Variants in SPTBN4 observed in about 807,000 individuals in gnomAD.
SPTBN4 encodes spectrin beta chain, non-erythrocytic 4.
SPTBN4 carries 96 observed loss-of-function variants against 277.8 expected under a neutral mutation model. That is an observed-to-expected ratio of 0.35 (90% CI 0.29 to 0.41). The LOEUF (loss-of-function observed/expected upper bound fraction) is 0.41. Ranked by LOEUF, SPTBN4 falls within the 10% of genes least tolerant of loss-of-function variation. SPTBN4 has a pLI of 1.00. For synonymous variants in SPTBN4, 1,481 were observed against 1,580.3 expected, an observed-to-expected ratio of 0.94 and a Z score of 1.49; for missense variants, 3,006 against 3,595.7, an observed-to-expected ratio of 0.84 and a Z score of 4.19.
At chr19:40,531,475 T>TG (rs2080672432) in intron 18 of SPTBN4, among the ~76,000 whole-genome samples, 3 of 86,628 alleles carry the variant, frequency 3.5e-5, no homozygotes, top group South Asian at 3.7e-4. Flanking sequence ...TTTTTTTTTT[T>TG]TTTTTTTTTT....
chr19:40,515,168 AG>A lies in SPTBN4; in HGVS notation c.2766-142del. 1.7e-6 allele frequency: 1 copy of A among 595,174 alleles called. No individual in the cohort carries two copies. The allele number at this position is 595,174 out of a possible 1,614,324, so 36.9% of individuals were successfully genotyped here. On this transcript the variant is annotated intron_variant, in intron 14 of 35. Coordinates refer to ENST00000598249, the MANE Select transcript of SPTBN4 (RefSeq NM_020971.3). The surrounding 1 kb of genome is among the most constrained non-coding windows in gnomAD (Gnocchi z 4.1). ...AAGTTAAATTAAATTAAATAAAATAAGCAGCAAGTAGAAGAGAAGGAGCCCA... is the reference window on the plus strand; with the variant it reads ...AAGTTAAATTAAATTAAATAAAATAACAGCAAGTAGAAGAGAAGGAGCCCA...
Position 40,468,147 on chromosome 19 carries a change from G to A in SPTBN4, c.-16+842G>A, listed in dbSNP as rs567219660. 4.9e-4 allele frequency among the ~76,000 whole-genome samples: 74 copies of A among 150,618 alleles called. 1 individual carries two copies. Among genetic ancestry groups the A allele is most frequent in the African/African-American group, 1.8e-3 (73 of 40,850 alleles). The stretch of plus-strand genomic sequence containing the variant: ...AGTTGGAGTGTAATGGCGCGATCTT[G>A]GCTCACTGCAACCTCTGCCTCCCGA... On this transcript the variant is annotated intron_variant, in intron 1 of 35. Coordinates refer to ENST00000598249, the MANE Select transcript of SPTBN4 (RefSeq NM_020971.3).
chr19:40,469,331 C>T (rs993818603), intron 1 of SPTBN4, among the ~76,000 whole-genome samples: 24 of 151,992 alleles, frequency 1.6e-4, no homozygotes, highest in Admixed American at 6.6e-5. Context: ...GTGGCACAAT[C>T]TCGGCTCACT....
rs1362100085 is a variant in SPTBN4 at position 40,560,297 on chromosome 19, C to A, written c.5809C>A (p.His1937Asn). The change falls in exon 27 of 36, where the codon CAT (histidine) becomes AAT (asparagine). Residue 1937 changes from histidine to asparagine, a missense_variant. This residue lies in a region of SPTBN4 where 425 missense variants were observed against 594.7 expected (regional missense o/e 0.71). Coordinates refer to ENST00000598249, the MANE Select transcript of SPTBN4 (RefSeq NM_020971.3). This position sits in a 1 kb window ranked among gnomAD's most constrained non-coding sequence, Gnocchi z 5.2. The part of the protein sequence containing the change: ...LLSACEDARL[H>N]VSSTADALRF... Reference sequence around the variant, plus strand: ...GTCAGCCTGTGAGGATGCCCGCCTGCATGTCAGCTCCACAGCCGACGCCCT... The same window carrying A: ...GTCAGCCTGTGAGGATGCCCGCCTGAATGTCAGCTCCACAGCCGACGCCCT... 1.2e-5 allele frequency: 20 copies of A among 1,613,980 alleles called. No homozygotes were observed. Among genetic ancestry groups the A allele is most frequent in the Non-Finnish European group, 1.6e-5 (19 of 1,180,010 alleles).
Position 40,487,710 on chromosome 19 carries a change from C to G in SPTBN4, c.183C>G (p.Ala61=). The stretch of plus-strand genomic sequence containing the variant: ...CCTCTCCTCCAGATGAGCGGGAAGC[C>G]GTGCAGAAGAAAACCTTCACCAAGT... ...RIKALADERE[A]VQKKTFTKWV... is the part of the protein sequence containing the mutation. The change falls in exon 3 of 36, where the codon GCC becomes GCG. Residue 61 remains alanine (A), a synonymous_variant. Transcript: ENST00000598249. 1.9e-6 allele frequency: 3 copies of G among 1,612,582 alleles called. No homozygotes were observed. Among genetic ancestry groups the G allele is most frequent in the South Asian group, 1.1e-5 (1 of 90,866 alleles).
chr19:40,532,847 C>T (rs2080693959), intron 19 of SPTBN4, 76 bp downstream of exon 19: 6 of 1,481,416 alleles, frequency 4.1e-6, no homozygotes, highest in Non-Finnish European at 5.4e-6. Flanking sequence ...ACCTGCTGCA[C>T]CCGCTGCTGC....
chr19:40,574,522 C>T (rs1321986095), intron 35 of SPTBN4, among the ~76,000 whole-genome samples: 5 of 151,908 alleles, frequency 3.3e-5, no homozygotes, highest in African/African-American at 9.7e-5. Flanking sequence ...CCACCATGCC[C>T]GGCTAATTTA....
At chr19:40,572,586 T>G in intron 35 of SPTBN4, 2 of 595,138 alleles carry the variant, frequency 3.4e-6, no homozygotes, top group Non-Finnish European at 6.0e-6. Context: ...GAGGGCTGCC[T>G]GCAGATCCTG....
chr19:40,515,530 C>G lies in SPTBN4; in HGVS notation c.2903+82C>G. ...CCATGGACAGCAAGATGTGCAATCT[C>G]AAACCCCTGGAATCATAATGGCCAC... On this transcript the variant is annotated intron_variant, in intron 15 of 35. Transcript: ENST00000598249. The surrounding 1 kb of genome is among the most constrained non-coding windows in gnomAD (Gnocchi z 4.1). The G allele has an allele frequency of 7.2e-7, 1 of 1,393,174 alleles. No individual in the cohort carries two copies. Among genetic ancestry groups the G allele is most frequent in the Non-Finnish European group, 9.4e-7 (1 of 1,063,568 alleles). The allele number at this position is 1,393,174 out of a possible 1,614,324, so 86.3% of individuals were successfully genotyped here.
chr19:40,536,889 G>A (rs1256468771), intron 20 of SPTBN4, among the ~76,000 whole-genome samples: 2 of 151,946 alleles, frequency 1.3e-5, no homozygotes, highest in Non-Finnish European at 2.9e-5. Context: ...GGGCTCAAGT[G>A]ATGCTCCTCC....
At chr19:40,544,440 C>CA (rs2080836650) in intron 20 of SPTBN4, among the ~76,000 whole-genome samples, 1 of 51,746 alleles carries the variant, frequency 1.9e-5, no homozygotes, top group Admixed American at 2.9e-4. Context: ...TTGTGCCCGG[C>CA]TTTTTTTTTT....
At chr19:40,497,838 A>AT (rs2080217598) in intron 7 of SPTBN4, among the ~76,000 whole-genome samples, 1 of 147,372 alleles carries the variant, frequency 6.8e-6, no homozygotes, top group African/African-American at 2.5e-5. Flanking sequence ...TCTCATCCCC[A>AT]ACCGTGTCCC....
chr19:40,493,099 C>T (rs1441567857), intron 5 of SPTBN4, 45 bp downstream of exon 5: 6 of 1,566,560 alleles, frequency 3.8e-6, no homozygotes, highest in Non-Finnish European at 5.3e-6. Context: ...GCAAGTGGTC[C>T]CCTAACCTCT....
chr19:40,509,533 C>A (rs926113805), intron 13 of SPTBN4, among the ~76,000 whole-genome samples: 3 of 152,192 alleles, frequency 2.0e-5, no homozygotes, highest in Non-Finnish European at 4.4e-5. Context: ...GTGTGAGGCA[C>A]TGCGCTTGGC....
At chr19:40,483,436 ATT>A (rs1309357163) in intron 2 of SPTBN4, among the ~76,000 whole-genome samples, 64 of 152,106 alleles carry the variant, frequency 4.2e-4, no homozygotes, top group East Asian at 1.2e-3. Flanking sequence ...TAAAAATACA[ATT>A]TTTTAAAAAA....
In SPTBN4 at chr19:40,502,355, A is replaced by G. The variant is rs769286300; in HGVS notation, c.1086-35A>G. On this transcript the variant is annotated intron_variant, in intron 9 of 35. Transcript: ENST00000598249. The surrounding 1 kb of genome is among the most constrained non-coding windows in gnomAD (Gnocchi z 4.9). ...TGGAGGGAGGGTGGGCAGGGGTGGC[A>G]TGACGGCAGGGCTCCTGAGCTCATG... The G allele has an allele frequency of 5.6e-6, 9 of 1,609,320 alleles. No homozygotes were observed. In the Admixed American group the frequency reaches 8.3e-5, roughly 15 times the overall value.
rs2080123171 is a variant in SPTBN4 at position 40,490,314 on chromosome 19, T to C, written c.495+66T>C. 2.0e-6 allele frequency: 3 copies of C among 1,526,786 alleles called. No homozygotes were observed. Among genetic ancestry groups the C allele is most frequent in the African/African-American group, 2.8e-5 (2 of 72,182 alleles). The allele number at this position is 1,526,786 out of a possible 1,614,324, so 94.6% of individuals were successfully genotyped here. A position where few individuals can be genotyped will look rare whatever the true frequency, so the allele number is the denominator to read the frequency against. On this transcript the variant is annotated intron_variant, in intron 4 of 35. Coordinates refer to ENST00000598249, the MANE Select transcript of SPTBN4 (RefSeq NM_020971.3). The surrounding 1 kb of genome is among the most constrained non-coding windows in gnomAD (Gnocchi z 4.3). ...ACTTAGGAAAGCGTTCCCCACCATT[T>C]ACCCATTCATTCTTTCCTTCCAATA...
rs1248225751 is a variant in SPTBN4, at chr19:40,506,249, C to A, written c.1679C>A (p.Ser560Tyr). 3 of 1,612,460 alleles carry A rather than the reference C, an allele frequency of 1.9e-6. No homozygotes were observed. Among genetic ancestry groups the A allele is most frequent in the South Asian group, 2.2e-5 (2 of 90,774 alleles). The change falls in exon 13 of 36, where the codon TCC becomes TAC. Residue 560 changes from serine (S) to tyrosine (Y), a missense_variant. Around this residue, in one of 5 missense-constraint regions of SPTBN4, gnomAD observed 1,759 missense variants for 2,061.5 expected, o/e 0.85. Coordinates refer to ENST00000598249, the MANE Select transcript of SPTBN4 (RefSeq NM_020971.3). ...CCCCGCTTGTAGGCTCAGCTGCTGT[C>A]CCGGGAGTGTGGGCAGCACCTGGTG... is the stretch of plus-strand genomic sequence containing the variant. ...WMEEMQAQLL[S>Y]RECGQHLVEA...
At position 40,557,345 on chromosome 19, in the gene SPTBN4, G is replaced by A; in HGVS notation, c.5612G>A (p.Ser1871Asn). 6.2e-7 allele frequency: 1 copy of A among 1,610,000 alleles called. No homozygotes were observed. ...TTPPEPRPSASSMQRTLRAFE... is the reference protein window; with the variant it reads ...TTPPEPRPSANSMQRTLRAFE... ...CCGCCTGAGCCGAGACCCAGTGCCA[G>A]TTCCATGCAGCGGACCCTGAGAGCC... Residue 1871 changes from serine (S) to asparagine (N), a missense_variant, in exon 26 of 36, where the codon AGT (serine) becomes AAT (asparagine). Transcript: ENST00000598249.
Sources: allele counts gnomAD v4.1 joint callset (sites outside exome capture counted in the v4.1 genomes callset), GRCh38; gene constraint gnomAD v4.1.1; regional missense constraint gnomAD v4.1.1; non-coding constraint Gnocchi (gnomAD v3.1); transcripts MANE v1.5; gene names NCBI Gene and HGNC (gene_info 2026-07-23, HGNC 2026-07-21).